EVA1C: variants seen among roughly 807,000 people sequenced by gnomAD.
EVA1C encodes eva-1 homolog C, also known as protein eva-1 homolog C.
EVA1C carries 25 observed loss-of-function variants against 45.4 expected under a neutral mutation model. That is an observed-to-expected ratio of 0.55 (90% CI 0.40 to 0.77). The LOEUF is 0.77. Ranked by LOEUF, EVA1C falls within the 30% of genes least tolerant of loss-of-function variation. The pLI is 0.00. For missense variants in EVA1C, 479 were observed against 554.8 expected (o/e 0.86, Z 1.37); for synonymous variants, 190 against 221.2 (o/e 0.86, Z 1.25).
intron 1 of EVA1C, among the ~76,000 whole-genome samples, chr21:32,450,698 G>A (rs1052903976): frequency 6.6e-6 from 1 of 152,034 alleles, no homozygotes; most frequent in East Asian, 1.9e-4. Flanking sequence ...CAAGAAGGCT[G>A]GAATTTTCAG....
At chr21:32,457,870 G>A in intron 3 of EVA1C, 150 bp downstream of exon 3, 1 of 828,174 alleles carries the variant, frequency 1.2e-6, no homozygotes, top group Non-Finnish European at 1.9e-6. Context: ...GTTTTTTAGA[G>A]ACAGAGAGAG....
chr21:32,433,246 G>T (rs1369782285), intron 1 of EVA1C: 8 of 152,202 alleles, frequency 5.3e-5, no homozygotes, highest in Non-Finnish European at 1.2e-4. Flanking sequence ...TTTACCCACA[G>T]ATTAACCTCT....
chr21:32,435,940 AC>A (rs2034930109), intron 1 of EVA1C, among the ~76,000 whole-genome samples: 1 of 152,412 alleles, frequency 6.6e-6, no homozygotes, highest in African/African-American at 2.4e-5. Context: ...GGAACATTGG[AC>A]TCAAATGTGG....
intron 4 of EVA1C, among the ~76,000 whole-genome samples, chr21:32,471,992 T>C (rs2036393464): frequency 6.6e-6 from 1 of 152,098 alleles, no homozygotes; most frequent in South Asian, 2.1e-4. Flanking sequence ...CTTAGCCACA[T>C]GTGTTTTAAG....
At chr21:32,448,013 CACTT>C (rs1243664319) in intron 1 of EVA1C, among the ~76,000 whole-genome samples, 2 of 152,120 alleles carry the variant, frequency 1.3e-5, no homozygotes, top group Non-Finnish European at 2.9e-5. Context: ...CCCCTCCACT[CACTT>C]TTCAACCTTT....
chr21:32,491,242 G>A (rs2037142599), intron 4 of EVA1C, among the ~76,000 whole-genome samples: 1 of 152,164 alleles, frequency 6.6e-6, no homozygotes, highest in Non-Finnish European at 1.5e-5. Flanking sequence ...TGCAGGCTGC[G>A]ACACAGGCTG....
chr21:32,429,110 G>C (rs1376600603), intron 1 of EVA1C, among the ~76,000 whole-genome samples: 1 of 148,186 alleles, frequency 6.7e-6, no homozygotes, highest in Non-Finnish European at 1.5e-5. Flanking sequence ...CGGCAACCTC[G>C]CCTCCCGGGT....
At chr21:32,512,284 T>C (rs927823470) in intron 7 of EVA1C, among the ~76,000 whole-genome samples, 3 of 152,124 alleles carry the variant, frequency 2.0e-5, no homozygotes, top group Non-Finnish European at 2.9e-5. Context: ...AGTAGGGCTA[T>C]GTATTGACCA....
chr21:32,492,223 T>C (rs988652947), intron 4 of EVA1C, among the ~76,000 whole-genome samples: 1 of 152,056 alleles, frequency 6.6e-6, no homozygotes, highest in African/African-American at 2.4e-5. Context: ...AATAGGGGCA[T>C]TTAGGCACCG....
chr21:32,471,254 T>A (rs2036359423), intron 4 of EVA1C, among the ~76,000 whole-genome samples: 2 of 152,072 alleles, frequency 1.3e-5, no homozygotes. Flanking sequence ...AGAACAGGGA[T>A]TGTGCAAGGC....
chr21:32,446,332 T>C (rs2035363644), intron 1 of EVA1C, among the ~76,000 whole-genome samples: 1 of 152,188 alleles, frequency 6.6e-6, no homozygotes. Flanking sequence ...AGGACTGATT[T>C]CTTAACAGAG....
chr21:32,514,378 T>C (rs761808997), intron 7 of EVA1C, among the ~76,000 whole-genome samples: 1 of 152,228 alleles, frequency 6.6e-6, no homozygotes, highest in Non-Finnish European at 1.5e-5. Flanking sequence ...GCATTTACTA[T>C]GTGTCAGGGA....
chr21:32,514,950 G>T lies in EVA1C; in HGVS notation c.1086G>T (p.Val362=). The change falls in exon 8 of 8, where the codon GTG becomes GTT. Residue 362 remains valine (V), a synonymous_variant. Coordinates refer to ENST00000300255, the MANE Select transcript of EVA1C (RefSeq NM_058187.5). ...RDLQLGREQL[V]PGSDKVEEDS... ...TGCAGCTGGGGAGGGAGCAGCTGGT[G>T]CCAGGAAGTGACAAGGTCGAGGAGG... 1.2e-6 allele frequency: 2 copies of T among 1,614,172 alleles called. No individual in the cohort carries two copies. Among genetic ancestry groups the T allele is most frequent in the African/African-American group, 1.3e-5 (1 of 75,048 alleles).
intron 1 of EVA1C, among the ~76,000 whole-genome samples, chr21:32,433,764 C>G (rs150934144): frequency 6.6e-6 from 1 of 152,176 alleles, no homozygotes; most frequent in East Asian, 1.9e-4. Context: ...CCCCCAGCAC[C>G]TCAAAATGTG....
chr21:32,508,133 C>T (rs1406559029), intron 7 of EVA1C, among the ~76,000 whole-genome samples: 4 of 152,160 alleles, frequency 2.6e-5, no homozygotes, highest in Non-Finnish European at 5.9e-5. Context: ...CAGATTGTGC[C>T]CAAGGGGACT....
chr21:32,491,140 A>C (rs2037140185), intron 4 of EVA1C, among the ~76,000 whole-genome samples: 1 of 152,138 alleles, frequency 6.6e-6, no homozygotes, highest in Non-Finnish European at 1.5e-5. Context: ...GACAGGGGAG[A>C]AGGAAGTATT....
At chr21:32,494,781 CAA>C (rs3056335) in intron 4 of EVA1C, among the ~76,000 whole-genome samples, 1 of 139,308 alleles carries the variant, frequency 7.2e-6, no homozygotes. Flanking sequence ...GAATCAGTTT[CAA>C]AAAAAAAAAA....
At chr21:32,505,467 C>T (rs760221942) in intron 7 of EVA1C, among the ~76,000 whole-genome samples, 2 of 152,194 alleles carry the variant, frequency 1.3e-5, no homozygotes, top group Admixed American at 1.3e-4. Flanking sequence ...CAGAGAATAA[C>T]GATTGAAGGG....
intron 1 of EVA1C, among the ~76,000 whole-genome samples, chr21:32,429,051 C>T (rs1198933462): frequency 6.6e-6 from 1 of 152,038 alleles, no homozygotes; most frequent in East Asian, 1.9e-4. Context: ...GACAGGGTCT[C>T]GCTCTGTCGC....
Sources: gnomAD v4.1 joint callset for allele counts (sites outside exome capture counted in the v4.1 genomes callset) on GRCh38, gnomAD v4.1.1 for gene constraint, MANE v1.5 for transcripts, NCBI Gene and HGNC (gene_info 2026-07-23, HGNC 2026-07-21) for gene names.